PRKAG2: variants seen among roughly 807,000 people sequenced by gnomAD.
The protein encoded by PRKAG2 is 5'-AMP-activated protein kinase subunit gamma-2.
Under a neutral mutation model 69.6 loss-of-function variants are expected in PRKAG2, and 26 were observed. The observed-to-expected ratio is 0.37, with a 90% confidence interval of 0.27 to 0.52. PRKAG2 has a LOEUF of 0.52. Ranked by LOEUF, PRKAG2 falls within the 20% of genes least tolerant of loss-of-function variation. PRKAG2 has a pLI of 0.90. For missense variants in PRKAG2, 557 were observed against 740.0 expected, an observed-to-expected ratio of 0.75 and a Z score of 2.87; for synonymous variants, 293 against 285.0, an observed-to-expected ratio of 1.03 and a Z score of -0.28.
At chr7:151,593,947 G>A (rs1040695537) in intron 6 of PRKAG2, among the ~76,000 whole-genome samples, 2 of 152,218 alleles carry the variant, frequency 1.3e-5, no homozygotes, top group African/African-American at 4.8e-5. Flanking sequence ...GGCAGGCACA[G>A]AATACAGGTA....
chr7:151,835,557 C>T lies in PRKAG2; in HGVS notation c.114+40950G>A, dbSNP rs1245378049. Among the ~76,000 whole-genome samples the T allele has an allele frequency of 6.6e-6, 1 of 152,154 alleles. No individual in the cohort carries two copies. The highest frequency in any genetic ancestry group is 1.5e-5 in the Non-Finnish European group (1 of 68,034). ...CTTACCCTTCCGAGGCATCTAACAG[C>T]ATCCTCCCTGGCCTAAGCCTGGGAG... On this transcript the variant is annotated intron_variant, in intron 1 of 15. Transcript: ENST00000287878. This position sits in a 1 kb window ranked among gnomAD's most constrained non-coding sequence, Gnocchi z 4.1.
In PRKAG2 at chr7:151,814,287, G is replaced by T; in HGVS notation, c.115-27746C>A. 1.7e-6 allele frequency: 1 copy of T among 580,808 alleles called. No individual in the cohort carries two copies. The highest frequency in any genetic ancestry group is 2.3e-6 in the Non-Finnish European group (1 of 430,860). 36.0% of individuals were successfully genotyped at this position (580,808 alleles called of 1,614,324 possible). A position where few individuals can be genotyped will look rare whatever the true frequency, so the allele number is the denominator to read the frequency against. Reference sequence around the variant, plus strand: ...TCTGATTTAATAAGAGGCTCTTGGAGAACAAAGCCACAATTCAGCATCAGT... The same window carrying T: ...TCTGATTTAATAAGAGGCTCTTGGATAACAAAGCCACAATTCAGCATCAGT... On this transcript the variant is annotated intron_variant, in intron 1 of 15. Coordinates refer to ENST00000287878, the MANE Select transcript of PRKAG2 (RefSeq NM_016203.4). The surrounding 1 kb of genome is among the most constrained non-coding windows in gnomAD (Gnocchi z 4.8).
Position 151,688,457 on chromosome 7 carries a change from A to G in PRKAG2, c.467-12820T>C, listed in dbSNP as rs191968395. On this transcript the variant is annotated intron_variant, in intron 3 of 15. Transcript: ENST00000287878. The stretch of plus-strand genomic sequence containing the variant: ...TCATGTGAGGGTAAACTTGGAATTT[A>G]CCCCGATGAGATGCGGTGTGGGGAG... 1.8e-3 allele frequency among the ~76,000 whole-genome samples: 281 copies of G among 152,252 alleles called. 1 individual carries two copies. Among genetic ancestry groups the G allele is most frequent in the African/African-American group, 6.1e-3 (252 of 41,560 alleles).
At chr7:151,757,873 G>A (rs977130919) in intron 3 of PRKAG2, among the ~76,000 whole-genome samples, 1 of 152,188 alleles carries the variant, frequency 6.6e-6, no homozygotes, top group Admixed American at 6.5e-5. Flanking sequence ...TCGTAAAAGG[G>A]CTTTTGTTGA....
At chr7:151,698,640 G>A (rs1244772646) in intron 3 of PRKAG2, among the ~76,000 whole-genome samples, 1 of 152,104 alleles carries the variant, frequency 6.6e-6, no homozygotes, top group Admixed American at 6.5e-5. Context: ...GCTTCCTGAG[G>A]CCTCGCCAGG....
chr7:151,637,558 T>C (rs972893168), intron 4 of PRKAG2, among the ~76,000 whole-genome samples: 1 of 152,218 alleles, frequency 6.6e-6, no homozygotes, highest in African/African-American at 2.4e-5. Context: ...AATGAATGGG[T>C]GTACAGGAGT....
chr7:151,804,204 T>G (rs111620763), intron 1 of PRKAG2, among the ~76,000 whole-genome samples: 2,703 of 152,300 alleles, frequency 0.018, 36 homozygotes, highest in Non-Finnish European at 0.025. Flanking sequence ...ATCCACGTCA[T>G]ATGCTTTTGT....
chr7:151,782,380 A>AGG (rs1563663670), intron 2 of PRKAG2, among the ~76,000 whole-genome samples: 12 of 61,750 alleles, frequency 1.9e-4, no homozygotes, highest in Non-Finnish European at 2.8e-4. Flanking sequence ...AGGGAAGGAA[A>AGG]GAAGGAAGGA....
intron 3 of PRKAG2, among the ~76,000 whole-genome samples, chr7:151,773,007 AAGAAAGAAAGAAAGAAAGAG>A (rs1252404004): frequency 8.6e-4 from 13 of 15,038 alleles, no homozygotes; most frequent in East Asian, 7.6e-3. Context: ...GAAAGAAAGA[AAGAAAGAAAGAAAGAAAGAG>A]AGAGAGAGAG....
chr7:151,691,928 A>G (rs1162941784), intron 3 of PRKAG2, among the ~76,000 whole-genome samples: 1 of 152,190 alleles, frequency 6.6e-6, no homozygotes, highest in East Asian at 1.9e-4. Flanking sequence ...TGAATTAATA[A>G]ACTGGTACAG....
intron 1 of PRKAG2, among the ~76,000 whole-genome samples, chr7:151,834,126 G>A (rs949615135): frequency 6.6e-6 from 1 of 152,162 alleles, no homozygotes; most frequent in African/African-American, 2.4e-5. Context: ...ATGCACCTTG[G>A]AAAGAACAAG....
chr7:151,613,467 T>C (rs1819346670), intron 5 of PRKAG2, among the ~76,000 whole-genome samples: 2 of 152,162 alleles, frequency 1.3e-5, no homozygotes, highest in Admixed American at 1.3e-4. Flanking sequence ...ATACTAAATC[T>C]GAAACATTCC....
intron 11 of PRKAG2, 145 bp from the exon 12 acceptor site, chr7:151,566,030 G>C (rs755272900): frequency 8.9e-6 from 8 of 896,284 alleles, no homozygotes; most frequent in Admixed American, 2.1e-5. Flanking sequence ...ATTAACATGA[G>C]AAAATTACAA....
intron 1 of PRKAG2, among the ~76,000 whole-genome samples, chr7:151,840,124 A>C (rs80283204): frequency 0.011 from 1,735 of 152,240 alleles, 26 homozygotes; most frequent in African/African-American, 0.039. Context: ...GTAATCAGAA[A>C]AGTAGACTTT....
At chr7:151,563,647 A>G (rs1584932275) in intron 14 of PRKAG2, among the ~76,000 whole-genome samples, 1 of 152,204 alleles carries the variant, frequency 6.6e-6, no homozygotes, top group East Asian at 1.9e-4. Flanking sequence ...TGGCACCGCC[A>G]CAGCTCACTG....
intron 1 of PRKAG2, among the ~76,000 whole-genome samples, chr7:151,825,669 GC>G (rs2078890139): frequency 1.3e-5 from 2 of 152,300 alleles, no homozygotes; most frequent in South Asian, 4.1e-4. Flanking sequence ...AGAACTTCCT[GC>G]CCTGTTTGTC....
rs116106344 is a variant in PRKAG2 at position 151,726,708 on chromosome 7, A to T, written c.467-51071T>A. The stretch of plus-strand genomic sequence containing the variant: ...AGTGAAAGAAGCCAGACCAAAAAAA[A>T]ATCGTGTAAATTCAAAACCAGACGA... On this transcript the variant is annotated intron_variant, in intron 3 of 15. Transcript: ENST00000287878. 1.0e-2 allele frequency among the ~76,000 whole-genome samples: 1,517 copies of T among 152,230 alleles called. 28 individuals are homozygous for T. Among genetic ancestry groups the T allele is most frequent in the African/African-American group, 0.035 (1,441 of 41,534 alleles).
chr7:151,875,154 C>G (rs1221798485), intron 1 of PRKAG2, among the ~76,000 whole-genome samples: 1 of 152,218 alleles, frequency 6.6e-6, no homozygotes, highest in Non-Finnish European at 1.5e-5. Context: ...CCTGCATAAT[C>G]GAGTCACCAC....
chr7:151,829,129 G>C (rs2078967714), intron 1 of PRKAG2, among the ~76,000 whole-genome samples: 1 of 152,198 alleles, frequency 6.6e-6, no homozygotes, highest in African/African-American at 2.4e-5. Flanking sequence ...TCATATATCT[G>C]ATAGGGACTT....
Sources: gnomAD v4.1 joint callset for allele counts (sites outside exome capture counted in the v4.1 genomes callset) on GRCh38, gnomAD v4.1.1 for gene constraint, Gnocchi (gnomAD v3.1) non-coding constraint, MANE v1.5 for transcripts, NCBI Gene and HGNC (gene_info 2026-07-23, HGNC 2026-07-21) for gene names.